The following DOK5 variants were observed in gnomAD, a reference collection of about 807,000 sequenced individuals.
DOK5 encodes the protein docking protein 5, also known as downstream of tyrosine kinase 5.
A neutral mutation model predicts 43.3 loss-of-function variants in DOK5; 27 were observed. The ratio of observed to expected loss-of-function variants is 0.62; its 90% CI spans 0.46 to 0.86. DOK5 has a LOEUF of 0.86. Ranked by LOEUF, DOK5 falls within the 40% of genes least tolerant of loss-of-function variation. DOK5 has a pLI of 0.00. For missense variants in DOK5, 373 were observed against 392.9 expected (o/e 0.95, Z 0.43); for synonymous variants, 146 against 140.1 (o/e 1.04, Z -0.30).
chr20:54,630,185 T>C (rs925782823), intron 6 of DOK5, among the ~76,000 whole-genome samples: 3 of 152,060 alleles, frequency 2.0e-5, no homozygotes, highest in Admixed American at 2.0e-4. Flanking sequence ...AGTATCTAGG[T>C]GAGCATCGGG....
At chr20:54,535,926 T>C (rs1983946897) in intron 1 of DOK5, among the ~76,000 whole-genome samples, 1 of 152,244 alleles carries the variant, frequency 6.6e-6, no homozygotes, top group Non-Finnish European at 1.5e-5. Flanking sequence ...TCTGAGGCTT[T>C]TGATCCAAGG....
chr20:54,552,541 T>C (rs906570312), intron 1 of DOK5, among the ~76,000 whole-genome samples: 1 of 152,120 alleles, frequency 6.6e-6, no homozygotes, highest in African/African-American at 2.4e-5. Context: ...TATCGTAATA[T>C]GTACTACATG....
intron 1 of DOK5, among the ~76,000 whole-genome samples, chr20:54,514,322 T>C (rs1202765171): frequency 1.3e-5 from 2 of 152,190 alleles, no homozygotes; most frequent in Admixed American, 1.3e-4. Context: ...ATTTGCCTTT[T>C]CCACTTGTCA....
chr20:54,649,097 G>A (rs6064100), intron 7 of DOK5, among the ~76,000 whole-genome samples: 120,578 of 152,230 alleles, frequency 0.79, 48,013 homozygotes, highest in East Asian at 1. Context: ...TGAACCAGGC[G>A]TCTTCCATGT....
chr20:54,527,952 A>T (rs1568768336), intron 1 of DOK5, among the ~76,000 whole-genome samples: 1 of 152,232 alleles, frequency 6.6e-6, no homozygotes, highest in Non-Finnish European at 1.5e-5. Context: ...CATGCCCGTA[A>T]TCCCAGCATT....
chr20:54,607,403 G>GGTGT (rs10684906), intron 5 of DOK5, among the ~76,000 whole-genome samples: 12,234 of 145,512 alleles, frequency 0.084, 577 homozygotes, highest in East Asian at 0.16. Context: ...AGTGGTAAGT[G>GGTGT]GTGTGTGTGT....
At chr20:54,595,003 ATGTGTGTATATGGGG>A (rs369031281) in intron 5 of DOK5, among the ~76,000 whole-genome samples, 3,229 of 152,192 alleles carry the variant, frequency 0.021, 138 homozygotes, top group African/African-American at 0.074. Flanking sequence ...TGTGTATGAG[ATGTGTGTATATGGGG>A]TGTGTGTGTA....
chr20:54,476,049 T>A, intron 1 of DOK5, 37 bp downstream of exon 1: 1 of 1,609,572 alleles, frequency 6.2e-7, no homozygotes, highest in Admixed American at 1.7e-5. Context: ...TGTTCGCCGG[T>A]TCGATTGTCT....
At chr20:54,606,891 T>C (rs927505408) in intron 5 of DOK5, among the ~76,000 whole-genome samples, 1 of 152,234 alleles carries the variant, frequency 6.6e-6, no homozygotes, top group Non-Finnish European at 1.5e-5. Context: ...AGGCCTCATT[T>C]CTGTTCTATT....
intron 6 of DOK5, among the ~76,000 whole-genome samples, chr20:54,612,825 G>A (rs1457514161): frequency 6.6e-6 from 1 of 152,174 alleles, no homozygotes; most frequent in Admixed American, 6.5e-5. Context: ...ATCATGGCCC[G>A]TGAAGCCAGA....
chr20:54,510,439 T>C (rs1216339460), intron 1 of DOK5, among the ~76,000 whole-genome samples: 5 of 152,168 alleles, frequency 3.3e-5, no homozygotes, highest in African/African-American at 4.8e-5. Flanking sequence ...TTATGTTAAA[T>C]TTTTAGTCAC....
intron 2 of DOK5, among the ~76,000 whole-genome samples, chr20:54,579,213 C>CT (rs1438858666): frequency 6.6e-6 from 1 of 151,970 alleles, no homozygotes; most frequent in Non-Finnish European, 1.5e-5. Context: ...TAAGAGAAAA[C>CT]TTTTCTTATT....
chr20:54,522,467 C>T lies in DOK5; in HGVS notation c.67-32466C>T, dbSNP rs146136377. Among the ~76,000 whole-genome samples the T allele has an allele frequency of 1.6e-3, 236 of 151,792 alleles. 2 individuals are homozygous for T. The highest frequency in any genetic ancestry group is 4.4e-3 in the African/African-American group (181 of 41,412). On this transcript the variant is annotated intron_variant, in intron 1 of 7. Coordinates refer to ENST00000262593, the MANE Select transcript of DOK5 (RefSeq NM_018431.5). Reference sequence around the variant, plus strand: ...GAGTGAAAACACGCTCCATGAGGGTCGGAGACAGAGAAGGAGAGAAAACAA... The same window carrying T: ...GAGTGAAAACACGCTCCATGAGGGTTGGAGACAGAGAAGGAGAGAAAACAA...
intron 1 of DOK5, among the ~76,000 whole-genome samples, chr20:54,501,111 A>G (rs1017972992): frequency 2.6e-5 from 4 of 152,168 alleles, no homozygotes; most frequent in Admixed American, 1.3e-4. Context: ...CTCTTAATAC[A>G]TATTACAAAT....
chr20:54,481,494 TCC>T (rs1981716910), intron 1 of DOK5, among the ~76,000 whole-genome samples: 1 of 152,108 alleles, frequency 6.6e-6, no homozygotes, highest in Non-Finnish European at 1.5e-5. Flanking sequence ...TTATTTCTTC[TCC>T]CTCTCCTTTC....
chr20:54,610,833 A>G (rs1041339771), intron 6 of DOK5, among the ~76,000 whole-genome samples: 3 of 152,212 alleles, frequency 2.0e-5, no homozygotes, highest in African/African-American at 7.2e-5. Flanking sequence ...ATGTCTTGCT[A>G]TGTCAGAAGT....
At chr20:54,551,842 G>GT (rs1984542133) in intron 1 of DOK5, among the ~76,000 whole-genome samples, 1 of 151,922 alleles carries the variant, frequency 6.6e-6, no homozygotes, top group Non-Finnish European at 1.5e-5. Flanking sequence ...GTTTTGTTTT[G>GT]TTTTTTTGGT....
At chr20:54,554,280 G>A (rs984832109) in intron 1 of DOK5, among the ~76,000 whole-genome samples, 4 of 152,174 alleles carry the variant, frequency 2.6e-5, no homozygotes, top group Non-Finnish European at 5.9e-5. Flanking sequence ...GTTCCCTGTA[G>A]CAGGTTCCAC....
intron 1 of DOK5, among the ~76,000 whole-genome samples, chr20:54,480,070 C>T (rs569143252): frequency 1.3e-5 from 2 of 152,258 alleles, no homozygotes; most frequent in South Asian, 2.1e-4. Context: ...TACACTCTTG[C>T]TCCCGCTAGT....
Sources: gnomAD v4.1 joint callset for allele counts (sites outside exome capture counted in the v4.1 genomes callset) on GRCh38, gnomAD v4.1.1 for gene constraint, MANE v1.5 for transcripts, NCBI Gene and HGNC (gene_info 2026-07-23, HGNC 2026-07-21) for gene names.